TMEM50B: variants seen among roughly 807,000 people sequenced by gnomAD.
The protein encoded by TMEM50B is HCV p7-trans-regulated protein 3.
TMEM50B carries 14 observed loss-of-function variants against 23.4 expected under a neutral mutation model. That is an observed-to-expected ratio of 0.60 (90% CI 0.39 to 0.93). The LOEUF (loss-of-function observed/expected upper bound fraction) is 0.93. TMEM50B is among the 40% of genes least tolerant of loss of function. The probability of loss-of-function intolerance (pLI) is 0.00; values close to 1 mark genes in which losing one functional copy is unlikely to be tolerated. For synonymous variants in TMEM50B, 64 were observed against 62.3 expected (o/e 1.03, Z -0.13); for missense variants, 159 against 193.0 (o/e 0.82, Z 1.04).
At chr21:33,453,337 G>A (rs1265597217) in intron 6 of TMEM50B, among the ~76,000 whole-genome samples, 3 of 151,934 alleles carry the variant, frequency 2.0e-5, no homozygotes, top group Non-Finnish European at 4.4e-5. Context: ...TGATCCACCC[G>A]CCTTGGCCTC....
intron 3 of TMEM50B, 96 bp downstream of exon 3, chr21:33,466,914 A>G: frequency 2.2e-6 from 2 of 915,788 alleles, no homozygotes; most frequent in Non-Finnish European, 3.3e-6. Context: ...ATAGTCTATC[A>G]AATAAATTAA....
At chr21:33,437,025 G>A in intron 8 of TMEM50B, 1 of 1,574,036 alleles carries the variant, frequency 6.4e-7, no homozygotes, top group Non-Finnish European at 8.7e-7. Context: ...AGCTGCTAGA[G>A]TTCTGTCTGG....
At chr21:33,452,464 G>A (rs2834222) in intron 6 of TMEM50B, among the ~76,000 whole-genome samples, 88,723 of 152,020 alleles carry the variant, frequency 0.58, 27,900 homozygotes, top group East Asian at 0.83. Flanking sequence ...CCACTGGAAA[G>A]AACATGTCCC....
chr21:33,438,081 T>C (rs1050909658), intron 8 of TMEM50B, among the ~76,000 whole-genome samples: 3 of 151,528 alleles, frequency 2.0e-5, no homozygotes, highest in African/African-American at 7.3e-5. Context: ...GGCCAGGAGT[T>C]TGAGAACAGC....
chr21:33,465,932 G>A (rs2084260569), intron 3 of TMEM50B, among the ~76,000 whole-genome samples: 1 of 152,092 alleles, frequency 6.6e-6, no homozygotes, highest in African/African-American at 2.4e-5. Flanking sequence ...AAGCCACAAT[G>A]GATATAAGTA....
chr21:33,446,679 C>CAA (rs1409384682), downstream of TMEM50B, among the ~76,000 whole-genome samples: 1 of 102,362 alleles, frequency 9.8e-6, no homozygotes, highest in African/African-American at 3.7e-5. Flanking sequence ...AAAAAAAAAA[C>CAA]CTCTAAGAAA....
Position 33,468,894 on chromosome 21 carries a change from C to T in TMEM50B, c.-9G>A. ...TCTAGGAAGCCTGCCATTTTTACTT[C>T]TTAAGCATAAATTTTTCATTAAATG... On this transcript the variant is annotated 5_prime_UTR_variant, in exon 2 of 7. Transcript: ENST00000542230. The T allele has an allele frequency of 6.2e-7, 1 of 1,607,206 alleles. No homozygotes were observed. The highest frequency in any genetic ancestry group is 8.5e-7 in the Non-Finnish European group (1 of 1,174,768).
chr21:33,443,833 C>A (rs963613600), intron 7 of TMEM50B, among the ~76,000 whole-genome samples: 1 of 151,766 alleles, frequency 6.6e-6, no homozygotes, highest in Admixed American at 6.6e-5. Flanking sequence ...CAGACCAAAG[C>A]AAATGTAGTA....
chr21:33,473,135 G>A (rs1188908467), intron 1 of TMEM50B, among the ~76,000 whole-genome samples: 1 of 150,984 alleles, frequency 6.6e-6, no homozygotes. Context: ...ACACAGGAAT[G>A]ACACTGTTAA....
At chr21:33,467,602 C>T (rs372821212) in intron 2 of TMEM50B, among the ~76,000 whole-genome samples, 9 of 152,080 alleles carry the variant, frequency 5.9e-5, no homozygotes, top group East Asian at 5.8e-4. Flanking sequence ...CCAGCCTGGA[C>T]GAAAGAACGA....
intron 5 of TMEM50B, among the ~76,000 whole-genome samples, chr21:33,459,420 C>T (rs2084197789): frequency 6.6e-6 from 1 of 152,098 alleles, no homozygotes; most frequent in African/African-American, 2.4e-5. Context: ...AATCCCAGCA[C>T]TTTGGGAGAC....
chr21:33,465,642 C>A (rs1568983909), intron 3 of TMEM50B, among the ~76,000 whole-genome samples: 1 of 152,176 alleles, frequency 6.6e-6, no homozygotes, highest in African/African-American at 2.4e-5. Context: ...TCTATCACTT[C>A]TCTCCAGAGA....
chr21:33,475,753 G>C (rs2084363770), intron 1 of TMEM50B, among the ~76,000 whole-genome samples: 1 of 151,944 alleles, frequency 6.6e-6, no homozygotes, highest in African/African-American at 2.4e-5. Flanking sequence ...AGGAGAACAA[G>C]ACAATCCTGG....
intron 7 of TMEM50B, among the ~76,000 whole-genome samples, chr21:33,443,407 TAG>T (rs771182120): frequency 0.13 from 19,970 of 151,964 alleles, 1,371 homozygotes; most frequent in Admixed American, 0.18. Context: ...TACATTCCTG[TAG>T]GCTGTGCACC....
chr21:33,454,293 T>C (rs1353906763), intron 6 of TMEM50B, among the ~76,000 whole-genome samples: 2 of 152,082 alleles, frequency 1.3e-5, no homozygotes, highest in South Asian at 2.1e-4. Flanking sequence ...ATGCATACTA[T>C]GTATTAATTA....
chr21:33,446,561 C>G (rs1365543450), downstream of TMEM50B, among the ~76,000 whole-genome samples: 2 of 140,788 alleles, frequency 1.4e-5, no homozygotes, highest in Non-Finnish European at 3.0e-5. Flanking sequence ...TCAACATGTT[C>G]CAGGAGATAA....
chr21:33,460,384 T>A, intron 5 of TMEM50B, 29 bp downstream of exon 5: 1 of 1,387,276 alleles, frequency 7.2e-7, no homozygotes, highest in Non-Finnish European at 1.0e-6. Context: ...GAATCTCTCC[T>A]ATAAAATACA....
downstream of TMEM50B, among the ~76,000 whole-genome samples, chr21:33,448,626 G>A (rs964070456): frequency 2.6e-5 from 4 of 152,014 alleles, no homozygotes; most frequent in African/African-American, 7.2e-5. Context: ...GACTACAGGT[G>A]ACCCCCACCA....
At chr21:33,475,970 A>T (rs973597007) in intron 1 of TMEM50B, among the ~76,000 whole-genome samples, 2 of 151,952 alleles carry the variant, frequency 1.3e-5, no homozygotes, top group Admixed American at 1.3e-4. Context: ...CTCTCTTATC[A>T]CTTCTGCCAA....
Sources: allele counts gnomAD v4.1 joint callset (sites outside exome capture counted in the v4.1 genomes callset), GRCh38; gene constraint gnomAD v4.1.1; transcripts MANE v1.5; gene names NCBI Gene and HGNC (gene_info 2026-07-23, HGNC 2026-07-21).